PDZD9: variants seen among roughly 807,000 people sequenced by gnomAD.
PDZD9 encodes the protein PDZ domain containing 9, also known as PDZ domain-containing protein 9.
PDZD9 carries 13 observed loss-of-function variants against 16.3 expected under a neutral mutation model. The observed-to-expected ratio is 0.80, with a 90% CI of 0.52 to 1.27. The LOEUF (loss-of-function observed/expected upper bound fraction) is 1.27, where lower values mean the gene tolerates loss of function less well. PDZD9 is among the 50% of genes most tolerant of loss of function. The pLI, the probability that PDZD9 is intolerant of heterozygous loss-of-function variation, is 0.00. For synonymous variants in PDZD9, 120 were observed against 111.0 expected (o/e 1.08, Z -0.51); for missense variants, 288 against 310.9 (o/e 0.93, Z 0.55).
chr16:21,961,030 T>C, the PDZD9 span, among the ~76,000 whole-genome samples: 2 of 152,102 alleles, frequency 1.3e-5, no homozygotes, highest in Non-Finnish European at 2.9e-5. Context: ...GAGGTCTCAC[T>C]ATGTTGCCCA....
At chr16:21,964,169 A>G in the PDZD9 span, among the ~76,000 whole-genome samples, 1 of 152,194 alleles carries the variant, frequency 6.6e-6, no homozygotes, top group African/African-American at 2.4e-5. Flanking sequence ...TTGGTGTCAC[A>G]GAGGAGCATT....
At chr16:21,979,518 C>T (rs909709059), downstream of PDZD9, among the ~76,000 whole-genome samples, 36 of 152,062 alleles carry the variant, frequency 2.4e-4, no homozygotes, top group African/African-American at 8.5e-4. Context: ...ATAGCATGTA[C>T]TATAGTACTG....
At chr16:21,977,321 A>G in the PDZD9 span, among the ~76,000 whole-genome samples, 766 of 152,150 alleles carry the variant, frequency 5.0e-3, 10 homozygotes, top group African/African-American at 0.017. Flanking sequence ...GCCATTGCAC[A>G]CTAGCCTGGG....
the PDZD9 span, among the ~76,000 whole-genome samples, chr16:21,967,973 A>G: frequency 6.6e-6 from 1 of 151,042 alleles, no homozygotes; most frequent in Non-Finnish European, 1.5e-5. Flanking sequence ...AGTTTAGGCC[A>G]GTGTATGCTC....
At chr16:21,962,817 G>A in the PDZD9 span, 3 of 1,614,086 alleles carry the variant, frequency 1.9e-6, no homozygotes, top group Non-Finnish European at 2.5e-6. Context: ...TTTCGTCGTT[G>A]GGAAGTAGCT....
At chr16:21,988,565 G>T in intron 3 of PDZD9, 37 bp downstream of exon 3, 3 of 1,524,112 alleles carry the variant, frequency 2.0e-6, no homozygotes, top group Non-Finnish European at 2.7e-6. Context: ...CTGGGATTCT[G>T]TATTATAACA....
downstream of PDZD9, among the ~76,000 whole-genome samples, chr16:21,981,844 CTT>C (rs1245008218): frequency 7.0e-5 from 10 of 142,120 alleles, no homozygotes; most frequent in Admixed American, 1.4e-4. Context: ...TCATACTCTT[CTT>C]TTTTTTTTTT....
At chr16:21,967,206 A>AT in the PDZD9 span, among the ~76,000 whole-genome samples, 1 of 152,342 alleles carries the variant, frequency 6.6e-6, no homozygotes, top group African/African-American at 2.4e-5. Flanking sequence ...GAAAAAGAGT[A>AT]TGACTTTCCA....
the PDZD9 span, among the ~76,000 whole-genome samples, chr16:21,966,327 C>A: frequency 6.6e-6 from 1 of 152,070 alleles, no homozygotes; most frequent in Non-Finnish European, 1.5e-5. Flanking sequence ...CGTTTGCTGG[C>A]TATAGGGGTT....
chr16:21,976,038 C>T, the PDZD9 span: 1 of 610,102 alleles, frequency 1.6e-6, no homozygotes. Context: ...CAGCATTCCG[C>T]ATGGACACTG....
the PDZD9 span, chr16:21,961,474 A>G: frequency 1.7e-5 from 4 of 237,852 alleles, no homozygotes; most frequent in South Asian, 1.8e-4. Context: ...AGGTATTTTA[A>G]TTTTTTAAGC....
the PDZD9 span, chr16:21,965,480 G>A: frequency 3.1e-6 from 5 of 1,606,802 alleles, no homozygotes; most frequent in East Asian, 2.2e-5. Flanking sequence ...CCTGACTATA[G>A]GATTGGAAAA....
At chr16:21,964,997 C>A in the PDZD9 span, among the ~76,000 whole-genome samples, 1 of 152,164 alleles carries the variant, frequency 6.6e-6, no homozygotes, top group African/African-American at 2.4e-5. Context: ...TGACAATCTC[C>A]TTATTACCTA....
the PDZD9 span, chr16:21,959,551 T>TTATGG: frequency 6.5e-6 from 1 of 154,074 alleles, no homozygotes; most frequent in African/African-American, 2.4e-5. Context: ...GAGTCATCCA[T>TTATGG]AAGGGTTGGA....
chr16:21,980,456 A>G (rs1255035271), downstream of PDZD9: 1 of 1,375,640 alleles, frequency 7.3e-7, no homozygotes, highest in Non-Finnish European at 1.0e-6. Context: ...CATTAAATAA[A>G]GCTTTGATGT....
chr16:21,980,367 T>G (rs150849476), downstream of PDZD9: 3,237 of 659,912 alleles, frequency 4.9e-3, 13 homozygotes, highest in Non-Finnish European at 7.0e-3. Flanking sequence ...TCAGACTTAC[T>G]GTTTTAGTAT....
chr16:21,997,648 G>C (rs1899184353), intron 1 of PDZD9, among the ~76,000 whole-genome samples: 1 of 152,178 alleles, frequency 6.6e-6, no homozygotes, highest in Non-Finnish European at 1.5e-5. Context: ...TGGAGACAAG[G>C]GGTAGTGGGA....
downstream of PDZD9, among the ~76,000 whole-genome samples, chr16:21,979,197 G>T (rs1898656279): frequency 1.3e-5 from 2 of 152,160 alleles, no homozygotes; most frequent in Admixed American, 6.5e-5. Flanking sequence ...CTGACACCCT[G>T]GTTTGACAGA....
intron 2 of PDZD9, chr16:21,995,205 C>G (rs751407039): frequency 2.2e-6 from 1 of 457,800 alleles, no homozygotes; most frequent in Non-Finnish European, 4.4e-6. Context: ...CCCCTACTCT[C>G]TCTTCCTCCC....
Sources: gnomAD v4.1 joint callset for allele counts (sites outside exome capture counted in the v4.1 genomes callset) on GRCh38, gnomAD v4.1.1 for gene constraint, MANE v1.5 for transcripts, NCBI Gene and HGNC (gene_info 2026-07-23, HGNC 2026-07-21) for gene names.